The following USP6NL variants were observed in gnomAD, a reference collection of about 807,000 sequenced individuals.
USP6NL encodes USP6 N-terminal like.
In USP6NL, 26 loss-of-function variants were observed where a neutral mutation model predicts 61.9. The ratio of observed to expected loss-of-function variants is 0.42; its 90% CI spans 0.31 to 0.58. The LOEUF is 0.58. USP6NL is among the 20% of genes least tolerant of loss of function. USP6NL has a pLI of 0.16. For synonymous variants in USP6NL, 432 were observed against 390.1 expected (o/e 1.11, Z -1.27); for missense variants, 1,114 against 1,034.3 (o/e 1.08, Z -1.06).
chr10:11,538,188 T>G (rs1213373608), intron 2 of USP6NL, among the ~76,000 whole-genome samples: 1 of 152,232 alleles, frequency 6.6e-6, no homozygotes, highest in East Asian at 1.9e-4. Context: ...AACAAAATAA[T>G]TTTTAAAGTC....
Position 11,463,333 on chromosome 10 carries a change from G to T in USP6NL, c.1595C>A (p.Pro532Gln). 1 of 1,613,920 alleles carries T rather than the reference G, an allele frequency of 6.2e-7. No homozygotes were observed. Among genetic ancestry groups the T allele is most frequent in the East Asian group, 2.2e-5 (1 of 44,884 alleles). ...CTCAGCATCCAGGGCCTTCATCTTTGGCCGCACGTTTGACACCCGCACCTC... is the reference window on the plus strand; with the variant it reads ...CTCAGCATCCAGGGCCTTCATCTTTTGCCGCACGTTTGACACCCGCACCTC... ...PAEVRVSNVR[P>Q]KMKALDAEDG... Residue 532 changes from proline to glutamine, a missense_variant, in exon 15 of 15, where the codon CCA (proline) becomes CAA (glutamine). Coordinates refer to ENST00000609104, the MANE Select transcript of USP6NL (RefSeq NM_014688.5). This position sits in a 1 kb window ranked among gnomAD's most constrained non-coding sequence, Gnocchi z 6.3.
intron 7 of USP6NL, among the ~76,000 whole-genome samples, chr10:11,497,586 G>GA (rs1833991927): frequency 6.6e-6 from 1 of 152,108 alleles, no homozygotes; most frequent in African/African-American, 2.4e-5. Context: ...TAGGAAGGCA[G>GA]AAAAGACCCA....
intron 5 of USP6NL, among the ~76,000 whole-genome samples, chr10:11,515,685 G>A (rs1441061921): frequency 1.3e-5 from 2 of 152,222 alleles, no homozygotes; most frequent in African/African-American, 4.8e-5. Flanking sequence ...TGTCAAGTAT[G>A]AGAGGAGGAA....
At position 11,580,477 on chromosome 10, in the gene USP6NL, G is replaced by T. The variant is rs1011080908; in HGVS notation, c.4+17154C>A. Among the ~76,000 whole-genome samples, 7 of 152,032 alleles carry T rather than the reference G, an allele frequency of 4.6e-5. No homozygotes were observed. The East Asian group carries it at 5.8e-4, about 13-fold the overall frequency. ...ATTGCAAAAAAAATGGGAAATAATC[G>T]AAATGTCCGACAACAAGAACTTAAT... On this transcript the variant is annotated intron_variant, in intron 2 of 14. Transcript: ENST00000609104.
intron 2 of USP6NL, among the ~76,000 whole-genome samples, chr10:11,529,271 AATAC>A: frequency 6.6e-6 from 1 of 152,362 alleles, no homozygotes; most frequent in African/African-American, 2.4e-5. Context: ...ATGCACTGAT[AATAC>A]TCAATGTTGA....
chr10:11,489,180 G>T lies in USP6NL; in HGVS notation c.586C>A (p.Leu196Ile). The change falls in exon 10 of 15, where the codon CTC (leucine) becomes ATC (isoleucine). Residue 196 changes from leucine to isoleucine, a missense_variant. Leu to Ile is a conservative substitution (Grantham distance 5). Coordinates refer to ENST00000609104, the MANE Select transcript of USP6NL (RefSeq NM_014688.5). This position sits in a 1 kb window ranked among gnomAD's most constrained non-coding sequence, Gnocchi z 5.7. The part of the protein sequence containing the change: ...CQGMSQITAL[L>I]LMYMNEEDAF... ...TCTTCCTCGTTCATATACATGAGGA[G>T]TAAAGCTGTGATCTGGCTCATCCCC... is the stretch of plus-strand genomic sequence containing the variant. 6.2e-7 allele frequency: 1 copy of T among 1,613,928 alleles called. No homozygotes were observed. The highest frequency in any genetic ancestry group is 1.3e-5 in the African/African-American group (1 of 75,042).
At position 11,561,174 on chromosome 10, in the gene USP6NL, C is replaced by G. The variant is rs771909857; in HGVS notation, c.5-33607G>C. Among the ~76,000 whole-genome samples the G allele has an allele frequency of 9.9e-5, 15 of 152,112 alleles. No homozygotes were observed. The highest frequency in any genetic ancestry group is 1.3e-4 in the Non-Finnish European group (9 of 68,000). ...CCAGAATAGCTAAAATATGTTTGTG[C>G]TTTATACATCCAAAAAAAATAACAT... On this transcript the variant is annotated intron_variant, in intron 2 of 14. Coordinates refer to ENST00000609104, the MANE Select transcript of USP6NL (RefSeq NM_014688.5). The surrounding 1 kb of genome is among the most constrained non-coding windows in gnomAD (Gnocchi z 4.1).
intron 1 of USP6NL, among the ~76,000 whole-genome samples, chr10:11,606,365 A>T (rs1380284527): frequency 1.3e-5 from 2 of 152,250 alleles, no homozygotes; most frequent in Non-Finnish European, 2.9e-5. Flanking sequence ...ATCTTTAGGC[A>T]GAAAGATAAT....
chr10:11,531,722 A>G (rs966483961), intron 2 of USP6NL, among the ~76,000 whole-genome samples: 1 of 151,928 alleles, frequency 6.6e-6, no homozygotes, highest in Non-Finnish European at 1.5e-5. Flanking sequence ...AATTATTTTT[A>G]TGATTTTTTT....
chr10:11,591,630 T>A lies in USP6NL; in HGVS notation c.4+6001A>T, dbSNP rs1206830020. On this transcript the variant is annotated intron_variant, in intron 2 of 14. Coordinates refer to ENST00000609104, the MANE Select transcript of USP6NL (RefSeq NM_014688.5). The surrounding 1 kb of genome is among the most constrained non-coding windows in gnomAD (Gnocchi z 4.7). ...TTTCTTTTCTAGATAGAGGTGTGTG[T>A]GAGAGAGGGAAAGGGAGAGGGAGAA... Among the ~76,000 whole-genome samples the A allele has an allele frequency of 6.6e-6, 1 of 151,994 alleles. No homozygotes were observed. The highest frequency in any genetic ancestry group is 2.4e-5 in the African/African-American group (1 of 41,376).
At chr10:11,570,423 A>G (rs539208399) in intron 2 of USP6NL, among the ~76,000 whole-genome samples, 1 of 152,374 alleles carries the variant, frequency 6.6e-6, no homozygotes, top group East Asian at 1.9e-4. Context: ...AGGTCAGGAC[A>G]GATACCAAAG....
In USP6NL at chr10:11,518,838, A is replaced by T. The variant is rs1396570962; in HGVS notation, c.156-264T>A. On this transcript the variant is annotated intron_variant, in intron 4 of 14. Coordinates refer to ENST00000609104, the MANE Select transcript of USP6NL (RefSeq NM_014688.5). The surrounding 1 kb of genome is among the most constrained non-coding windows in gnomAD (Gnocchi z 5.3). Reference sequence around the variant, plus strand: ...AAGCATCTAATTAACATTAAAATTTAATTTAGTTTAACACTGAGTTAGTCT... The same window carrying T: ...AAGCATCTAATTAACATTAAAATTTTATTTAGTTTAACACTGAGTTAGTCT... Among the ~76,000 whole-genome samples, 4 of 152,192 alleles carry T rather than the reference A, an allele frequency of 2.6e-5. No homozygotes were observed. Among genetic ancestry groups the T allele is most frequent in the Non-Finnish European group, 5.9e-5 (4 of 68,038 alleles).
At chr10:11,588,738 C>T (rs867536431) in intron 2 of USP6NL, among the ~76,000 whole-genome samples, 1 of 152,108 alleles carries the variant, frequency 6.6e-6, no homozygotes, top group Non-Finnish European at 1.5e-5. Context: ...TGTCTAACAA[C>T]TTTTATATCA....
Position 11,463,165 on chromosome 10 carries a change from T to G in USP6NL, c.1763A>C (p.Lys588Thr). 3 of 1,613,906 alleles carry G rather than the reference T, an allele frequency of 1.9e-6. No homozygotes were observed. In the African/African-American group the frequency reaches 4.0e-5, roughly 22 times the overall value. ...TGGACTAGAACTTGGCTCAGCGTGC[T>G]TTCTCGGGCTAGGAGGGTAAAGGGC... ...RHALYPPSPR[K>T]HAEPSSSPSK... Residue 588 changes from lysine (K) to threonine (T), a missense_variant, in exon 15 of 15, where the codon AAG (lysine) becomes ACG (threonine). Lys to Thr is a moderately conservative substitution (Grantham distance 78). Coordinates refer to ENST00000609104, the MANE Select transcript of USP6NL (RefSeq NM_014688.5). This position sits in a 1 kb window ranked among gnomAD's most constrained non-coding sequence, Gnocchi z 6.3.
chr10:11,527,603 T>C (rs1435459472), intron 2 of USP6NL, 36 bp from the exon 3 acceptor site: 6 of 1,561,714 alleles, frequency 3.8e-6, no homozygotes, highest in Non-Finnish European at 3.5e-6. Context: ...TGAATTGTCA[T>C]TGAAAGAATC....
intron 2 of USP6NL, among the ~76,000 whole-genome samples, chr10:11,530,964 T>C (rs1451881839): frequency 6.6e-6 from 1 of 152,216 alleles, no homozygotes; most frequent in Admixed American, 6.5e-5. Context: ...AAACAGTGAC[T>C]GCAAACGATT....
At chr10:11,579,348 G>A (rs1448155219) in intron 2 of USP6NL, among the ~76,000 whole-genome samples, 1 of 152,190 alleles carries the variant, frequency 6.6e-6, no homozygotes, top group African/African-American at 2.4e-5. Context: ...CTTTCCATTT[G>A]CACACAGATA....
At chr10:11,560,717 TA>T (rs1182964469) in intron 2 of USP6NL, among the ~76,000 whole-genome samples, 6 of 88,832 alleles carry the variant, frequency 6.8e-5, no homozygotes, top group Admixed American at 1.2e-4. Flanking sequence ...ATATATATTA[TA>T]TATATATATA....
In USP6NL at chr10:11,490,813, C is replaced by A. The variant is rs542943671; in HGVS notation, c.543+19G>T. 98 of 1,551,994 alleles carry A rather than the reference C, an allele frequency of 6.3e-5. No homozygotes were observed. The East Asian group carries it at 6.6e-4, about 10-fold the overall frequency. On this transcript the variant is annotated intron_variant, in intron 9 of 14. Coordinates refer to ENST00000609104, the MANE Select transcript of USP6NL (RefSeq NM_014688.5). The surrounding 1 kb of genome is among the most constrained non-coding windows in gnomAD (Gnocchi z 4.5). ...CAGAATACAACTCAAAGACCTTGGGCAGGCAGGCCCCAACTTACCGTGTTA... is the reference window on the plus strand; with the variant it reads ...CAGAATACAACTCAAAGACCTTGGGAAGGCAGGCCCCAACTTACCGTGTTA...
Sources: allele counts gnomAD v4.1 joint callset (sites outside exome capture counted in the v4.1 genomes callset), GRCh38; gene constraint gnomAD v4.1.1; non-coding constraint Gnocchi (gnomAD v3.1); transcripts MANE v1.5; gene names NCBI Gene and HGNC (gene_info 2026-07-23, HGNC 2026-07-21).